MCC: variants seen among roughly 807,000 people sequenced by gnomAD.
MCC encodes the protein colorectal mutant cancer protein.
In MCC, 90 loss-of-function variants were observed where a neutral mutation model predicts 116.2. That is an observed-to-expected ratio of 0.77 (90% CI 0.65 to 0.92). The LOEUF (loss-of-function observed/expected upper bound fraction) is 0.92, where lower values mean the gene tolerates loss of function less well. MCC is among the 40% of genes least tolerant of loss of function. The pLI is 0.00. For synonymous variants in MCC, 578 were observed against 510.5 expected (o/e 1.13, Z -1.78); for missense variants, 1,516 against 1,312.2 (o/e 1.16, Z -2.40).
chr5:113,213,690 G>A (rs1037616005), intron 3 of MCC, among the ~76,000 whole-genome samples: 1 of 152,128 alleles, frequency 6.6e-6, no homozygotes, highest in Non-Finnish European at 1.5e-5. Flanking sequence ...GGGCACAGTA[G>A]CTCTACTTCC....
chr5:113,119,315 G>C (rs1484166711), intron 6 of MCC, among the ~76,000 whole-genome samples: 1 of 152,218 alleles, frequency 6.6e-6, no homozygotes, highest in African/African-American at 2.4e-5. Context: ...AATGAAGCAG[G>C]GAAAGGGAAG....
In MCC at chr5:113,107,215, T is replaced by G. The variant is rs1008373162; in HGVS notation, c.1028-2860A>C. Among the ~76,000 whole-genome samples, 29 of 129,224 alleles carry G rather than the reference T, an allele frequency of 2.2e-4. No individual in the cohort carries two copies. The East Asian group carries it at 5.3e-3, about 23-fold the overall frequency. 84.8% of individuals were successfully genotyped at this position (129,224 alleles called of 152,430 possible). Reference sequence around the variant, plus strand: ...CAATAGTAGCATGTTTTTCTTTTTTTTTTTTCTTTTTTTTTTTTTTGAGAT... The same window carrying G: ...CAATAGTAGCATGTTTTTCTTTTTTGTTTTTCTTTTTTTTTTTTTTGAGAT... On this transcript the variant is annotated intron_variant, in intron 6 of 18. Transcript: ENST00000408903.
chr5:113,027,243 C>A lies in MCC; in HGVS notation c.*59G>T. On this transcript the variant is annotated 3_prime_UTR_variant, in exon 19 of 19. Transcript: ENST00000408903. ...CCAACAAGTACATGGGCCCTTCTGT[C>A]CCCAGTGGCCTGCTGCAGTTTACTT... 2.5e-6 allele frequency: 4 copies of A among 1,569,842 alleles called. No individual in the cohort carries two copies. The highest frequency in any genetic ancestry group is 2.6e-6 in the Non-Finnish European group (3 of 1,150,108).
intron 6 of MCC, among the ~76,000 whole-genome samples, chr5:113,110,167 C>G: frequency 6.6e-6 from 1 of 152,068 alleles, no homozygotes; most frequent in East Asian, 1.9e-4. Flanking sequence ...AGAGAGGAGG[C>G]CTTTGGTAGC....
intron 1 of MCC, among the ~76,000 whole-genome samples, chr5:113,461,405 T>A (rs1257673153): frequency 6.6e-6 from 1 of 152,246 alleles, no homozygotes; most frequent in Non-Finnish European, 1.5e-5. Flanking sequence ...GTGAAGTTTT[T>A]GCCCAAAGTT....
intron 3 of MCC, among the ~76,000 whole-genome samples, chr5:113,299,176 T>C (rs1385742045): frequency 1.3e-5 from 2 of 151,674 alleles, no homozygotes; most frequent in African/African-American, 4.8e-5. Context: ...TAATCCCAGA[T>C]ACTCAGGAGG....
At chr5:113,162,556 G>A (rs1215223096) in intron 3 of MCC, among the ~76,000 whole-genome samples, 5 of 152,070 alleles carry the variant, frequency 3.3e-5, no homozygotes, top group Non-Finnish European at 7.4e-5. Context: ...GAATGCAGTG[G>A]CAAGAACACA....
chr5:113,108,080 C>G (rs559365894), intron 6 of MCC, among the ~76,000 whole-genome samples: 2 of 152,276 alleles, frequency 1.3e-5, no homozygotes, highest in African/African-American at 2.4e-5. Context: ...CGCAGTGGCT[C>G]ACTCCTGTAA....
At chr5:113,341,467 G>A (rs1166958626) in intron 2 of MCC, among the ~76,000 whole-genome samples, 4 of 152,138 alleles carry the variant, frequency 2.6e-5, no homozygotes, top group Non-Finnish European at 4.4e-5. Context: ...TTACAGGTGT[G>A]AGCCACTGCA....
intron 1 of MCC, among the ~76,000 whole-genome samples, chr5:113,461,135 C>A (rs1771730795): frequency 6.6e-6 from 1 of 152,138 alleles, no homozygotes; most frequent in Non-Finnish European, 1.5e-5. Context: ...GTGGTGCACA[C>A]CTGCAGTCTC....
At chr5:113,449,069 G>C (rs1381578023) in intron 1 of MCC, among the ~76,000 whole-genome samples, 1 of 152,190 alleles carries the variant, frequency 6.6e-6, no homozygotes, top group African/African-American at 2.4e-5. Context: ...TGGTCATCAG[G>C]AAAATCCTAC....
intron 1 of MCC, among the ~76,000 whole-genome samples, chr5:113,470,943 C>T (rs1412376557): frequency 1.3e-5 from 2 of 152,208 alleles, no homozygotes; most frequent in East Asian, 3.9e-4. Context: ...TCTTCCATCA[C>T]TGATACCCTT....
intron 1 of MCC, among the ~76,000 whole-genome samples, chr5:113,385,509 T>C (rs1202520209): frequency 1.3e-5 from 2 of 152,220 alleles, no homozygotes; most frequent in Admixed American, 1.3e-4. Flanking sequence ...TTGAGGATTA[T>C]AAAGTTCTTT....
intron 3 of MCC, among the ~76,000 whole-genome samples, chr5:113,336,247 T>C (rs1376172682): frequency 4.0e-5 from 6 of 151,696 alleles, no homozygotes; most frequent in Admixed American, 2.6e-4. Context: ...AAAATTTCCA[T>C]ATGAATTTTG....
chr5:113,038,660 G>C (rs1160260169), intron 17 of MCC, among the ~76,000 whole-genome samples: 2 of 152,134 alleles, frequency 1.3e-5, no homozygotes, highest in African/African-American at 2.4e-5. Flanking sequence ...CAGAGGCGCA[G>C]AAGAGGAAGA....
rs117161883 is a variant in MCC at position 113,205,215 on chromosome 5, G to A, written c.628-53793C>T. Reference sequence around the variant, plus strand: ...TGCAGCTTTCACAGGAAGGGCTGATGCAGTGAGAAGAGCAGGATCTAAGAA... The same window carrying A: ...TGCAGCTTTCACAGGAAGGGCTGATACAGTGAGAAGAGCAGGATCTAAGAA... On this transcript the variant is annotated intron_variant, in intron 3 of 18. Transcript: ENST00000408903. 2.0e-4 allele frequency among the ~76,000 whole-genome samples: 30 copies of A among 152,308 alleles called. No homozygotes were observed. In the East Asian group the frequency reaches 4.1e-3, roughly 21 times the overall value.
chr5:113,214,381 C>CTGAGTTGCCTTGCGTGTTCAT (rs1763235838), intron 3 of MCC, among the ~76,000 whole-genome samples: 1 of 152,254 alleles, frequency 6.6e-6, no homozygotes, highest in Non-Finnish European at 1.5e-5. Flanking sequence ...ACTCCATGAA[C>CTGAGTTGCCTTGCGTGTTCAT]TGAGTTGCCT....
chr5:113,461,549 A>T (rs1378543058), intron 1 of MCC, among the ~76,000 whole-genome samples: 1 of 151,230 alleles, frequency 6.6e-6, no homozygotes, highest in Non-Finnish European at 1.5e-5. Flanking sequence ...TCATGCCTGT[A>T]ATCCCAGGGC....
At chr5:113,389,475 G>A (rs1039987681) in intron 1 of MCC, among the ~76,000 whole-genome samples, 16 of 152,186 alleles carry the variant, frequency 1.1e-4, no homozygotes, top group African/African-American at 3.1e-4. Flanking sequence ...CTTCCATGCA[G>A]TCCTGGCAGC....
Sources: gnomAD v4.1 joint callset for allele counts (sites outside exome capture counted in the v4.1 genomes callset) on GRCh38, gnomAD v4.1.1 for gene constraint, MANE v1.5 for transcripts, NCBI Gene and HGNC (gene_info 2026-07-23, HGNC 2026-07-21) for gene names.